Variants in PKHD1L1 observed in about 807,000 individuals in gnomAD.
PKHD1L1 encodes PKHD1 like 1.
In PKHD1L1, 434 loss-of-function variants were observed where a neutral mutation model predicts 462.9. The observed-to-expected ratio is 0.94, with a 90% confidence interval of 0.87 to 1.02. PKHD1L1 has a LOEUF of 1.02. PKHD1L1 is among the 50% of genes least tolerant of loss of function. PKHD1L1 has a pLI of 0.00. For missense variants in PKHD1L1, 5,202 were observed against 5,096.1 expected, an observed-to-expected ratio of 1.02 and a Z score of -0.63; for synonymous variants, 1,781 against 1,750.0, an observed-to-expected ratio of 1.02 and a Z score of -0.44.
chr8:109,407,460 C>G (rs1014856644), intron 17 of PKHD1L1, among the ~76,000 whole-genome samples: 3 of 151,986 alleles, frequency 2.0e-5, no homozygotes, highest in Non-Finnish European at 4.4e-5. Flanking sequence ...CTTTACCCAA[C>G]AAAAAGGGTC....
chr8:109,476,462 G>C, intron 51 of PKHD1L1, 46 bp from the exon 52 acceptor site: 1 of 1,231,962 alleles, frequency 8.1e-7, no homozygotes, highest in Non-Finnish European at 1.1e-6. Flanking sequence ...TGTGTTATAC[G>C]AAGAATATTA....
In PKHD1L1 at chr8:109,477,246, A is replaced by C. The variant is rs777079466; in HGVS notation, c.8939A>C (p.His2980Pro). 3.1e-6 allele frequency: 5 copies of C among 1,613,322 alleles called. No homozygotes were observed. Among genetic ancestry groups the C allele is most frequent in the Middle Eastern group, 1.7e-4 (1 of 6,054 alleles). The change falls in exon 53 of 78, where the codon CAT becomes CCT. Residue 2980 changes from histidine (H) to proline (P), a missense_variant. Physicochemically the swap from His to Pro is moderately conservative, Grantham distance 77 (BLOSUM62 -2). This residue lies in a region of PKHD1L1 where 4,497 missense variants were observed against 4,336.8 expected (regional missense o/e 1.04). Transcript: ENST00000378402. ...YYLVSGRNDL[H>P]QSQLISGNLD... Reference sequence around the variant, plus strand: ...TCAGTGTCAGGAAGAAATGACCTTCATCAGAGTCAGCTCATTTCTGGGAAC... The same window carrying C: ...TCAGTGTCAGGAAGAAATGACCTTCCTCAGAGTCAGCTCATTTCTGGGAAC...
Position 109,452,228 on chromosome 8 carries a change from C to A in PKHD1L1, c.6455C>A (p.Ser2152Ter). Residue 2152 changes from serine (S) to a stop codon, truncating the protein, a stop_gained, in exon 42 of 78, where the codon TCA becomes TAA. Transcript: ENST00000378402. LOFTEE classifies it high-confidence loss of function. Reference sequence around the variant, plus strand: ...TGCATGACAGATGCCCATACTCTATCAGGGTGGGCTCCAGTTTGTGTCCAC... The same window carrying A: ...TGCATGACAGATGCCCATACTCTATAAGGGTGGGCTCCAGTTTGTGTCCAC... ...IICMTDAHTL[S>*]GWAPVCVHIR... 6 of 1,612,272 alleles carry A rather than the reference C, an allele frequency of 3.7e-6. No homozygotes were observed. The South Asian group carries it at 6.6e-5, about 18-fold the overall frequency.
intron 10 of PKHD1L1, 41 bp from the exon 11 acceptor site, chr8:109,395,986 G>A (rs1187692969): frequency 7.2e-7 from 1 of 1,381,826 alleles, no homozygotes; most frequent in Non-Finnish European, 1.0e-6. Context: ...GGGTTTATGT[G>A]TAATATTTAT....
chr8:109,371,708 A>C (rs182896348), intron 2 of PKHD1L1, among the ~76,000 whole-genome samples: 2,622 of 145,690 alleles, frequency 0.018, 53 homozygotes, highest in Non-Finnish European at 0.025. Flanking sequence ...ATCCAGTTTC[A>C]GCTTTCTACA....
chr8:109,422,218 G>A (rs1814509828), intron 23 of PKHD1L1, among the ~76,000 whole-genome samples: 1 of 146,136 alleles, frequency 6.8e-6, no homozygotes, highest in African/African-American at 2.8e-5. Context: ...TTTTTCCAGG[G>A]TTGTGTGTGT....
intron 55 of PKHD1L1, 92 bp from the exon 56 acceptor site, chr8:109,481,341 A>T: frequency 1.7e-6 from 2 of 1,178,408 alleles, no homozygotes; most frequent in Non-Finnish European, 2.3e-6. Flanking sequence ...CCTTTTTACT[A>T]GGCTTCCAGT....
At chr8:109,428,657 A>G (rs1384394767) in intron 25 of PKHD1L1, among the ~76,000 whole-genome samples, 1 of 152,148 alleles carries the variant, frequency 6.6e-6, no homozygotes, top group Non-Finnish European at 1.5e-5. Context: ...GTGTCTGTGC[A>G]TCTACTCTCT....
In PKHD1L1 at chr8:109,442,049, T is replaced by C; in HGVS notation, c.4247T>C (p.Val1416Ala). The C allele has an allele frequency of 6.2e-7, 1 of 1,613,184 alleles. No homozygotes were observed. The highest frequency in any genetic ancestry group is 1.1e-5 in the South Asian group (1 of 90,988). ...GYAWSPPVLNVSVGDTVAWHW... is the reference protein window; with the variant it reads ...GYAWSPPVLNASVGDTVAWHW... ...GCCTGGTCACCACCAGTCCTAAATG[T>C]GTCTGTGGGGGACACAGTGGCATGG... is the stretch of plus-strand genomic sequence containing the variant. Residue 1416 changes from valine (V) to alanine (A), a missense_variant, in exon 35 of 78, where the codon GTG becomes GCG. Val to Ala is a moderately conservative substitution (Grantham distance 64). Around this residue, in one of 3 missense-constraint regions of PKHD1L1, gnomAD observed 4,497 missense variants for 4,336.8 expected, o/e 1.04. Coordinates refer to ENST00000378402, the MANE Select transcript of PKHD1L1 (RefSeq NM_177531.6).
Position 109,420,652 on chromosome 8 carries a change from A to T in PKHD1L1, c.2659A>T (p.Ser887Cys). The change falls in exon 23 of 78, where the codon AGT (serine) becomes TGT (cysteine). Residue 887 changes from serine (S) to cysteine (C), a missense_variant. Around this residue, in one of 3 missense-constraint regions of PKHD1L1, gnomAD observed 4,497 missense variants for 4,336.8 expected, o/e 1.04. Transcript: ENST00000378402. ...TGTTACCATGACTTCATACAATTGC[A>T]GTTACAATATACCCATGATGGCTGT... ...YSVTMTSYNC[S>C]YNIPMMAVSF... 1 of 1,605,434 alleles carries T rather than the reference A, an allele frequency of 6.2e-7. No individual in the cohort carries two copies. The highest frequency in any genetic ancestry group is 8.5e-7 in the Non-Finnish European group (1 of 1,176,364).
intron 2 of PKHD1L1, among the ~76,000 whole-genome samples, chr8:109,369,333 T>C (rs1424007380): frequency 6.6e-6 from 1 of 152,206 alleles, no homozygotes; most frequent in Admixed American, 6.5e-5. Context: ...GTATTTCTTT[T>C]TAACTCTTTG....
Position 109,491,144 on chromosome 8 carries a change from G to A in PKHD1L1, c.10114+43G>A, listed in dbSNP as rs186072757. The A allele has an allele frequency of 1.1e-4, 170 of 1,568,000 alleles. No homozygotes were observed. In the African/African-American group the frequency reaches 2.0e-3, roughly 18 times the overall value. Reference sequence around the variant, plus strand: ...TGGTTCAAATTACACATCCTGTGGAGGCTTTCTTATCTATATACTCTAGAG... The same window carrying A: ...TGGTTCAAATTACACATCCTGTGGAAGCTTTCTTATCTATATACTCTAGAG... On this transcript the variant is annotated intron_variant, in intron 61 of 77. Coordinates refer to ENST00000378402, the MANE Select transcript of PKHD1L1 (RefSeq NM_177531.6).
At chr8:109,520,526 G>T (rs1290989756) in intron 73 of PKHD1L1, among the ~76,000 whole-genome samples, 1 of 152,164 alleles carries the variant, frequency 6.6e-6, no homozygotes. Flanking sequence ...ACTGAAGAAT[G>T]TAGAAGTTAG....
intron 12 of PKHD1L1, among the ~76,000 whole-genome samples, chr8:109,399,704 A>C (rs1162946296): frequency 1.3e-5 from 2 of 152,174 alleles, no homozygotes; most frequent in Non-Finnish European, 2.9e-5. Flanking sequence ...AATGGCATGA[A>C]TCTTGAAGTT....
intron 3 of PKHD1L1, 44 bp downstream of exon 3, chr8:109,381,558 A>G (rs1812116760): frequency 1.4e-6 from 2 of 1,382,734 alleles, no homozygotes; most frequent in South Asian, 2.7e-5. Context: ...TCATCATATC[A>G]GAAGTTACAG....
chr8:109,378,022 A>G (rs1371250816), intron 2 of PKHD1L1, among the ~76,000 whole-genome samples: 1 of 152,172 alleles, frequency 6.6e-6, no homozygotes, highest in Non-Finnish European at 1.5e-5. Context: ...TCAGCATGCA[A>G]ATATACTGTT....
chr8:109,394,467 A>G lies in PKHD1L1; in HGVS notation c.793A>G (p.Met265Val), dbSNP rs753221352. 4.6e-6 allele frequency: 7 copies of G among 1,530,228 alleles called. No individual in the cohort carries two copies. The highest frequency in any genetic ancestry group is 4.1e-5 in the Admixed American group (2 of 48,684). The allele number at this position is 1,530,228 out of a possible 1,614,324, so 94.8% of individuals were successfully genotyped here. The change falls in exon 10 of 78, where the codon ATG (methionine) becomes GTG (valine). Residue 265 changes from methionine (M) to valine (V), a missense_variant. By Grantham distance (21) the Met-to-Val change is conservative. Around this residue, in one of 3 missense-constraint regions of PKHD1L1, gnomAD observed 4,497 missense variants for 4,336.8 expected, o/e 1.04. Coordinates refer to ENST00000378402, the MANE Select transcript of PKHD1L1 (RefSeq NM_177531.6). The part of the protein sequence containing the change: ...YFVSSLNKIA[M>V]FQTYAEVTMI... ...TGTTTCTTCTCTCAATAAAATTGCA[A>G]TGTTTCAAACATATGCAGGTATGTG...
chr8:109,401,587 G>C lies in PKHD1L1; in HGVS notation c.1372G>C (p.Glu458Gln), dbSNP rs771077900. Residue 458 changes from glutamate to glutamine, a missense_variant and splice_region_variant, in exon 14 of 78, where the codon GAA becomes CAA. Physicochemically the swap from Glu to Gln is conservative, Grantham distance 29. Around this residue, in one of 3 missense-constraint regions of PKHD1L1, gnomAD observed 4,497 missense variants for 4,336.8 expected, o/e 1.04. Coordinates refer to ENST00000378402, the MANE Select transcript of PKHD1L1 (RefSeq NM_177531.6). Reference protein sequence around the residue: ...SDDIHLQKGKEYYIEILLQEY... With the variant: ...SDDIHLQKGKQYYIEILLQEY... The stretch of plus-strand genomic sequence containing the variant: ...TGATATTCATCTGCAGAAAGGAAAA[G>C]AGTAAGGCTTTTTCCTGTCATTAAA... 1.3e-6 allele frequency: 2 copies of C among 1,529,774 alleles called. No homozygotes were observed. The highest frequency in any genetic ancestry group is 1.7e-5 in the Admixed American group (1 of 58,620). The allele number at this position is 1,529,774 out of a possible 1,614,324, so 94.8% of individuals were successfully genotyped here.
At chr8:109,521,086 CT>C (rs1441747879) in intron 73 of PKHD1L1, among the ~76,000 whole-genome samples, 1 of 152,128 alleles carries the variant, frequency 6.6e-6, no homozygotes, top group African/African-American at 2.4e-5. Flanking sequence ...AAGACTGAGC[CT>C]TTTTCCAAAA....
Sources: gnomAD v4.1 joint callset for allele counts (sites outside exome capture counted in the v4.1 genomes callset) on GRCh38, gnomAD v4.1.1 for gene constraint, gnomAD v4.1.1 regional missense constraint, MANE v1.5 for transcripts, NCBI Gene and HGNC (gene_info 2026-07-23, HGNC 2026-07-21) for gene names.